The following FGD4 variants were observed in gnomAD, a reference collection of about 807,000 sequenced individuals.
The protein encoded by FGD4 is FYVE, RhoGEF and PH domain-containing protein 4.
In FGD4, 42 loss-of-function variants were observed where a neutral mutation model predicts 102.0. That is an observed-to-expected ratio of 0.41 (90% CI 0.32 to 0.53). FGD4 has a LOEUF of 0.53. Ranked by LOEUF, FGD4 falls within the 20% of genes least tolerant of loss-of-function variation. The probability of loss-of-function intolerance (pLI) is 0.21; values close to 1 mark genes in which losing one functional copy is unlikely to be tolerated. For synonymous variants in FGD4, 380 were observed against 375.7 expected (o/e 1.01, Z -0.13); for missense variants, 902 against 1,078.2 (o/e 0.84, Z 2.29).
Position 32,399,634 on chromosome 12 carries a change from G to C in FGD4, c.-160G>C. ...CCGCGACGCCGGGAGGGAGCGTACC[G>C]GGAAGGAGAGGGAGAGGAGGCACTC... On this transcript the variant is annotated 5_prime_UTR_variant, in exon 1 of 17. Transcript: ENST00000534526. The C allele has an allele frequency of 1.4e-6, 2 of 1,404,616 alleles. No individual in the cohort carries two copies. Among genetic ancestry groups the C allele is most frequent in the South Asian group, 1.5e-5 (1 of 64,840 alleles). 87.0% of individuals were successfully genotyped at this position (1,404,616 alleles called of 1,614,324 possible).
chr12:32,489,063 T>G (rs78620229), intron 1 of FGD4, among the ~76,000 whole-genome samples: 1 of 152,092 alleles, frequency 6.6e-6, no homozygotes, highest in African/African-American at 2.4e-5. Flanking sequence ...GTAGTACTGG[T>G]TTTTTTTACA....
At chr12:32,603,691 T>A (rs1189334672) in intron 7 of FGD4, among the ~76,000 whole-genome samples, 1 of 151,746 alleles carries the variant, frequency 6.6e-6, no homozygotes, top group Non-Finnish European at 1.5e-5. Flanking sequence ...GGCCTTTGTT[T>A]CTATAATGTT....
At position 32,524,524 on chromosome 12, in the gene FGD4, TA is replaced by T. The variant is rs113473656; in HGVS notation, c.167-39601del. On this transcript the variant is annotated intron_variant, in intron 1 of 16. Coordinates refer to ENST00000534526, the MANE Select transcript of FGD4 (RefSeq NM_001370298.3). ...CCTTTAAAGACAGCTATAATTCAAA[TA>T]AAAAAAAAAAACAGAAAAAAATATG... is the stretch of plus-strand genomic sequence containing the variant. Among the ~76,000 whole-genome samples, 642 of 134,484 alleles carry T rather than the reference TA, an allele frequency of 4.8e-3. 4 individuals are homozygous for T. The highest frequency in any genetic ancestry group is 0.014 in the African/African-American group (539 of 39,294). The allele number at this position is 134,484 out of a possible 152,430, so 88.2% of individuals were successfully genotyped here. A position where few individuals can be genotyped will look rare whatever the true frequency, so the allele number is the denominator to read the frequency against.
chr12:32,501,522 C>T (rs1378127385), intron 1 of FGD4, among the ~76,000 whole-genome samples: 1 of 152,142 alleles, frequency 6.6e-6, no homozygotes, highest in Admixed American at 6.5e-5. Context: ...AATCCTGTAA[C>T]TGGGTAAGAC....
intron 1 of FGD4, among the ~76,000 whole-genome samples, chr12:32,444,643 G>A (rs1942559555): frequency 6.6e-6 from 1 of 152,144 alleles, no homozygotes. Context: ...GACCTCAGGT[G>A]ACCCACCCGC....
At chr12:32,473,980 C>T (rs1368964358) in intron 1 of FGD4, among the ~76,000 whole-genome samples, 4 of 151,410 alleles carry the variant, frequency 2.6e-5, no homozygotes, top group Non-Finnish European at 5.9e-5. Flanking sequence ...CCCAGCTACT[C>T]GGGAGGCTGA....
At chr12:32,408,995 G>A (rs1941079490) in intron 1 of FGD4, among the ~76,000 whole-genome samples, 1 of 152,006 alleles carries the variant, frequency 6.6e-6, no homozygotes, top group African/African-American at 2.4e-5. Context: ...GTTTTCAAGG[G>A]CCTGCTTAAT....
intron 2 of FGD4, among the ~76,000 whole-genome samples, chr12:32,573,092 C>T (rs1945806227): frequency 1.3e-5 from 2 of 152,086 alleles, no homozygotes; most frequent in African/African-American, 4.8e-5. Flanking sequence ...TGGTTTTTAA[C>T]TGGAATTGGA....
At chr12:32,429,402 T>G (rs1184231533) in intron 1 of FGD4, among the ~76,000 whole-genome samples, 2 of 152,186 alleles carry the variant, frequency 1.3e-5, no homozygotes, top group African/African-American at 4.8e-5. Context: ...TCTGGAAGCT[T>G]CGTCCCAGAG....
chr12:32,557,249 A>G (rs1334112575), intron 1 of FGD4, among the ~76,000 whole-genome samples: 1 of 152,214 alleles, frequency 6.6e-6, no homozygotes, highest in African/African-American at 2.4e-5. Context: ...TTTTTATTAT[A>G]AAAGATTTAA....
intron 11 of FGD4, among the ~76,000 whole-genome samples, chr12:32,620,523 T>TCTTTTTTTC (rs559903911): frequency 3.1e-5 from 2 of 63,670 alleles, no homozygotes; most frequent in African/African-American, 1.5e-4. Flanking sequence ...TTTCTTTCTT[T>TCTTTTTTTC]TTTTTTTTTT....
chr12:32,538,908 G>T (rs1374526380), intron 1 of FGD4, among the ~76,000 whole-genome samples: 1 of 152,160 alleles, frequency 6.6e-6, no homozygotes, highest in East Asian at 1.9e-4. Flanking sequence ...CAAAAAATCA[G>T]CTGGGCGTGG....
intron 1 of FGD4, among the ~76,000 whole-genome samples, chr12:32,420,557 T>TTC (rs796779695): frequency 6.6e-6 from 1 of 152,300 alleles, no homozygotes; most frequent in African/African-American, 2.4e-5. Context: ...AAGCCTGGCT[T>TTC]TCTCCCACAT....
At chr12:32,619,629 CT>C in intron 10 of FGD4, 68 bp from the exon 11 acceptor site, 1 of 1,566,584 alleles carries the variant, frequency 6.4e-7, no homozygotes, top group South Asian at 1.1e-5. Context: ...GAGACTCTGT[CT>C]CAAAAAAAAA....
intron 10 of FGD4, among the ~76,000 whole-genome samples, chr12:32,618,957 TCATA>T (rs1203125424): frequency 3.3e-5 from 5 of 152,148 alleles, no homozygotes; most frequent in Non-Finnish European, 7.3e-5. Context: ...TCAGATATAA[TCATA>T]ATTGCTAAAT....
chr12:32,547,568 A>G (rs898355256), intron 1 of FGD4, among the ~76,000 whole-genome samples: 1 of 152,242 alleles, frequency 6.6e-6, no homozygotes, highest in Admixed American at 6.5e-5. Flanking sequence ...TAATGCATAT[A>G]AGGTGCTTTG....
At chr12:32,454,756 G>A (rs913935027) in intron 1 of FGD4, among the ~76,000 whole-genome samples, 1 of 151,996 alleles carries the variant, frequency 6.6e-6, no homozygotes. Flanking sequence ...TATTTTGCTG[G>A]TATCTTAAAT....
chr12:32,421,604 C>T (rs1173673900), intron 1 of FGD4, among the ~76,000 whole-genome samples: 2 of 152,120 alleles, frequency 1.3e-5, no homozygotes, highest in African/African-American at 4.8e-5. Flanking sequence ...CTTTCACAGC[C>T]ATTTTCTTCC....
intron 1 of FGD4, among the ~76,000 whole-genome samples, chr12:32,409,592 C>A (rs185696597): frequency 1.3e-5 from 2 of 152,164 alleles, no homozygotes; most frequent in Non-Finnish European, 2.9e-5. Flanking sequence ...CAGCCTCCCC[C>A]CAGTAATTTT....
Sources: gnomAD v4.1 joint callset for allele counts (sites outside exome capture counted in the v4.1 genomes callset) on GRCh38, gnomAD v4.1.1 for gene constraint, MANE v1.5 for transcripts, NCBI Gene and HGNC (gene_info 2026-07-23, HGNC 2026-07-21) for gene names.